Variants in HPSE2 observed in about 807,000 individuals in gnomAD.
HPSE2 encodes the protein heparanase 2 (inactive).
A neutral mutation model predicts 60.5 loss-of-function variants in HPSE2; 38 were observed. The observed-to-expected ratio is 0.63, with a 90% confidence interval of 0.48 to 0.82. The LOEUF (loss-of-function observed/expected upper bound fraction) is 0.82, where lower values mean the gene tolerates loss of function less well. Among genes scored for constraint, HPSE2 ranks in the 40% least tolerant of loss-of-function variants. The pLI, the probability that HPSE2 is intolerant of heterozygous loss-of-function variation, is 0.00. For missense variants in HPSE2, 713 were observed against 740.4 expected (o/e 0.96, Z 0.43); for synonymous variants, 295 against 293.2 (o/e 1.01, Z -0.06).
intron 7 of HPSE2, among the ~76,000 whole-genome samples, chr10:98,633,559 T>C (rs1243459929): frequency 1.3e-5 from 2 of 152,258 alleles, no homozygotes; most frequent in Admixed American, 6.5e-5. Context: ...TACTTTATTA[T>C]AAAAATATAG....
intron 3 of HPSE2, among the ~76,000 whole-genome samples, chr10:99,103,440 C>G (rs1341477498): frequency 6.6e-6 from 1 of 151,964 alleles, no homozygotes; most frequent in Non-Finnish European, 1.5e-5. Flanking sequence ...TGTGAAGGAC[C>G]TCTTCAAGGA....
At chr10:99,148,418 TAGTCTC>T (rs1474520391) in intron 2 of HPSE2, among the ~76,000 whole-genome samples, 4 of 152,228 alleles carry the variant, frequency 2.6e-5, no homozygotes, top group African/African-American at 9.6e-5. Flanking sequence ...CCAGCTATAA[TAGTCTC>T]AGATGAATCC....
At chr10:99,273,648 A>AT in the HPSE2 span, among the ~76,000 whole-genome samples, 1 of 152,248 alleles carries the variant, frequency 6.6e-6, no homozygotes. Context: ...AACAGAGGAC[A>AT]TAAGTCTTCT....
intron 3 of HPSE2, among the ~76,000 whole-genome samples, chr10:99,125,783 G>C (rs1229209374): frequency 1.1e-4 from 16 of 152,174 alleles, no homozygotes; most frequent in Admixed American, 8.5e-4. Flanking sequence ...TACAGAAGTA[G>C]AACCAACAGT....
Position 98,937,038 on chromosome 10 carries a change from T to C in HPSE2, c.611-192982A>G, listed in dbSNP as rs563087934. Among the ~76,000 whole-genome samples the C allele has an allele frequency of 2.8e-5, 4 of 140,510 alleles. No homozygotes were observed. The South Asian group carries it at 6.5e-4, about 23-fold the overall frequency. The allele number at this position is 140,510 out of a possible 152,430, so 92.2% of individuals were successfully genotyped here. A position where few individuals can be genotyped will look rare whatever the true frequency, so the allele number is the denominator to read the frequency against. ...TCCAACTTTTTGGAAAATTTTAAGTTTTTCAACCTCCTCCTCTACAACAAT... is the reference window on the plus strand; with the variant it reads ...TCCAACTTTTTGGAAAATTTTAAGTCTTTCAACCTCCTCCTCTACAACAAT... On this transcript the variant is annotated intron_variant, in intron 3 of 11. Transcript: ENST00000370552.
intron 2 of HPSE2, among the ~76,000 whole-genome samples, chr10:99,187,468 G>A (rs2133851461): frequency 6.6e-6 from 1 of 152,164 alleles, no homozygotes; most frequent in East Asian, 1.9e-4. Context: ...AGGCAAACCA[G>A]ATACAAGGAA....
chr10:98,752,155 AT>A (rs1258252092), intron 3 of HPSE2, among the ~76,000 whole-genome samples: 1 of 152,168 alleles, frequency 6.6e-6, no homozygotes, highest in Non-Finnish European at 1.5e-5. Flanking sequence ...TATGAAAGGA[AT>A]TTTCAGGCTC....
chr10:98,927,076 A>G (rs1954490463), intron 3 of HPSE2, among the ~76,000 whole-genome samples: 1 of 150,402 alleles, frequency 6.6e-6, no homozygotes. Flanking sequence ...AAAAATGTAT[A>G]TTCTGTTGAT....
rs1354406919 is a variant in HPSE2, at chr10:98,913,012, T to G, written c.611-168956A>C. On this transcript the variant is annotated intron_variant, in intron 3 of 11. Coordinates refer to ENST00000370552, the MANE Select transcript of HPSE2 (RefSeq NM_021828.5). ...TTTCCATTATGTGATTATTACGCAT[T>G]GCATGCCTATACCTAAGTATCTCAT... Among the ~76,000 whole-genome samples the G allele has an allele frequency of 5.3e-5, 8 of 152,318 alleles. No homozygotes were observed. The East Asian group carries it at 1.5e-3, about 29-fold the overall frequency.
intron 3 of HPSE2, among the ~76,000 whole-genome samples, chr10:98,773,119 T>C (rs1436572643): frequency 6.6e-6 from 1 of 152,204 alleles, no homozygotes; most frequent in Non-Finnish European, 1.5e-5. Context: ...CAACCAGCAG[T>C]CAAGGGCATT....
intron 9 of HPSE2, among the ~76,000 whole-genome samples, chr10:98,548,354 C>A (rs569228634): frequency 2.0e-5 from 3 of 152,172 alleles, no homozygotes; most frequent in African/African-American, 4.8e-5. Flanking sequence ...CGGTGGCTCA[C>A]GCCTGTAATC....
At chr10:98,831,413 TC>T (rs1450651750) in intron 3 of HPSE2, among the ~76,000 whole-genome samples, 7 of 151,882 alleles carry the variant, frequency 4.6e-5, no homozygotes, top group Non-Finnish European at 1.5e-5. Flanking sequence ...CTAACTCCCT[TC>T]CCCCCAATAT....
intron 7 of HPSE2, among the ~76,000 whole-genome samples, chr10:98,628,381 T>C (rs1946273574): frequency 6.6e-6 from 1 of 152,204 alleles, no homozygotes; most frequent in Non-Finnish European, 1.5e-5. Context: ...AACTGAGGGC[T>C]ATAGTTCAAC....
chr10:98,807,441 C>G (rs774099141), intron 3 of HPSE2, among the ~76,000 whole-genome samples: 1 of 152,138 alleles, frequency 6.6e-6, no homozygotes, highest in African/African-American at 2.4e-5. Flanking sequence ...CTTTTTTGCT[C>G]TAAGCCTCAG....
the HPSE2 span, among the ~76,000 whole-genome samples, chr10:99,248,855 G>A: frequency 1.3e-5 from 2 of 152,212 alleles, no homozygotes; most frequent in African/African-American, 2.4e-5. Context: ...ATGGCTAAAA[G>A]AGCCCCAGAT....
chr10:99,023,107 G>A (rs1957299102), intron 3 of HPSE2, among the ~76,000 whole-genome samples: 1 of 152,082 alleles, frequency 6.6e-6, no homozygotes, highest in Non-Finnish European at 1.5e-5. Context: ...TAGGCTAGAG[G>A]AGAAACTAAT....
At chr10:98,939,852 T>C (rs1324679186) in intron 3 of HPSE2, among the ~76,000 whole-genome samples, 1 of 142,030 alleles carries the variant, frequency 7.0e-6, no homozygotes, top group Non-Finnish European at 1.5e-5. Context: ...CCTCAGCAAA[T>C]GTAAAAGAAC....
chr10:99,103,355 C>G (rs567004191), intron 3 of HPSE2, among the ~76,000 whole-genome samples: 13 of 152,038 alleles, frequency 8.6e-5, no homozygotes, highest in African/African-American at 1.2e-4. Flanking sequence ...AAACAGAGAG[C>G]CACATCATCA....
chr10:98,856,799 C>A (rs1229359182), intron 3 of HPSE2, among the ~76,000 whole-genome samples: 1 of 151,986 alleles, frequency 6.6e-6, no homozygotes, highest in Non-Finnish European at 1.5e-5. Context: ...TTCCTAGTCA[C>A]CCCACATGTA....
Sources: allele counts gnomAD v4.1 joint callset (sites outside exome capture counted in the v4.1 genomes callset), GRCh38; gene constraint gnomAD v4.1.1; transcripts MANE v1.5; gene names NCBI Gene and HGNC (gene_info 2026-07-23, HGNC 2026-07-21).